TSHZ1: variants seen among roughly 807,000 people sequenced by gnomAD.
TSHZ1 encodes the protein teashirt zinc finger homeobox 1, also known as teashirt homolog 1.
TSHZ1 carries 12 observed loss-of-function variants against 67.1 expected under a neutral mutation model. The observed-to-expected ratio is 0.18, with a 90% CI of 0.11 to 0.29. The LOEUF is 0.29. Ranked by LOEUF, TSHZ1 falls within the 10% of genes least tolerant of loss-of-function variation. The pLI is 1.00. For missense variants in TSHZ1, 1,305 were observed against 1,413.9 expected, an observed-to-expected ratio of 0.92 and a Z score of 1.23; for synonymous variants, 632 against 622.4, an observed-to-expected ratio of 1.02 and a Z score of -0.23.
chr18:75,246,865 C>T (rs1217472530), intron 1 of TSHZ1, among the ~76,000 whole-genome samples: 4 of 152,220 alleles, frequency 2.6e-5, no homozygotes, highest in African/African-American at 9.6e-5. Flanking sequence ...TAGACAGAGA[C>T]AATAACTGTC....
At chr18:75,243,748 A>C (rs988050801) in intron 1 of TSHZ1, among the ~76,000 whole-genome samples, 2 of 152,230 alleles carry the variant, frequency 1.3e-5, no homozygotes, top group Non-Finnish European at 2.9e-5. Flanking sequence ...TTGACTTAGC[A>C]ACCCTAAATT....
intron 1 of TSHZ1, among the ~76,000 whole-genome samples, chr18:75,278,216 G>A (rs2023638502): frequency 6.7e-6 from 1 of 150,280 alleles, no homozygotes; most frequent in African/African-American, 2.5e-5. Flanking sequence ...CATCCAGGGT[G>A]GATTAGTGGA....
At chr18:75,222,953 A>G (rs2022867997) in intron 1 of TSHZ1, among the ~76,000 whole-genome samples, 1 of 152,218 alleles carries the variant, frequency 6.6e-6, no homozygotes, top group Non-Finnish European at 1.5e-5. Context: ...TTGTTTATAG[A>G]CATATTTGGA....
chr18:75,251,641 A>T (rs542949396), intron 1 of TSHZ1, among the ~76,000 whole-genome samples: 127 of 152,258 alleles, frequency 8.3e-4, no homozygotes, highest in African/African-American at 2.9e-3. Context: ...TTTTAATTTG[A>T]CAATCTTTGC....
chr18:75,263,873 C>T (rs890570343), intron 1 of TSHZ1, among the ~76,000 whole-genome samples: 4 of 152,218 alleles, frequency 2.6e-5, no homozygotes, highest in Admixed American at 6.5e-5. Context: ...AAAGAAGCAA[C>T]TGTTGATTTA....
chr18:75,251,816 A>T (rs978014980), intron 1 of TSHZ1, among the ~76,000 whole-genome samples: 1 of 152,106 alleles, frequency 6.6e-6, no homozygotes, highest in African/African-American at 2.4e-5. Context: ...TTGTTCCATC[A>T]TCTTACTCAT....
intron 1 of TSHZ1, among the ~76,000 whole-genome samples, chr18:75,232,299 C>A (rs775375332): frequency 6.6e-6 from 1 of 152,188 alleles, no homozygotes; most frequent in Admixed American, 6.5e-5. Context: ...AGTTTTAATG[C>A]GTCTACACAG....
rs1219879489 is a variant in TSHZ1 at position 75,211,247 on chromosome 18, T to C, written c.-630T>C. ...CTGACATCTCCCCCCGGCGCATGTA[T>C]GTACGGGGGCTTCACTCCTCTGTCT... is the stretch of plus-strand genomic sequence containing the variant. On this transcript the variant is annotated 5_prime_UTR_variant, in exon 1 of 2. The change abolishes an upstream ATG in the 5' untranslated region. Coordinates refer to ENST00000580243, the MANE Select transcript of TSHZ1 (RefSeq NM_001308210.2). The C allele has an allele frequency of 6.6e-6, 1 of 151,926 alleles. No individual in the cohort carries two copies. Among genetic ancestry groups the C allele is most frequent in the Non-Finnish European group, 1.5e-5 (1 of 68,036 alleles). The allele number at this position is 151,926 out of a possible 1,614,324, so 9.4% of individuals were successfully genotyped here. A position where few individuals can be genotyped will look rare whatever the true frequency, so the allele number is the denominator to read the frequency against.
chr18:75,275,094 C>T (rs1245283613), intron 1 of TSHZ1, among the ~76,000 whole-genome samples: 2 of 152,238 alleles, frequency 1.3e-5, no homozygotes, highest in Admixed American at 6.5e-5. Context: ...GCCTGGTACA[C>T]GTCCTTGCCA....
At chr18:75,230,518 A>G (rs1229151446) in intron 1 of TSHZ1, among the ~76,000 whole-genome samples, 1 of 152,164 alleles carries the variant, frequency 6.6e-6, no homozygotes, top group African/African-American at 2.4e-5. Context: ...ATTGTTTTTT[A>G]ATTTTTTTCT....
At chr18:75,257,421 C>G (rs991269518) in intron 1 of TSHZ1, among the ~76,000 whole-genome samples, 1 of 152,120 alleles carries the variant, frequency 6.6e-6, no homozygotes, top group Non-Finnish European at 1.5e-5. Flanking sequence ...AGAATCTTGG[C>G]TAGGACAAGG....
intron 1 of TSHZ1, among the ~76,000 whole-genome samples, chr18:75,275,634 G>C (rs184435563): frequency 6.6e-6 from 1 of 152,334 alleles, no homozygotes; most frequent in African/African-American, 2.4e-5. Flanking sequence ...ATAGTACCAA[G>C]TTGGAACCTG....
chr18:75,224,090 T>G (rs1439629280), intron 1 of TSHZ1, among the ~76,000 whole-genome samples: 2 of 135,740 alleles, frequency 1.5e-5, no homozygotes, highest in African/African-American at 2.9e-5. Context: ...AGATCCTCAC[T>G]TTTTTTTTTT....
rs913490978 is a variant in TSHZ1 at position 75,244,877 on chromosome 18, C to T, written c.40+32961C>T. On this transcript the variant is annotated intron_variant, in intron 1 of 1. Coordinates refer to ENST00000580243, the MANE Select transcript of TSHZ1 (RefSeq NM_001308210.2). ...TGGCTGAAAAACACGACCGTTTGAC[C>T]GAATTCCTTTCAAAGATTTATAATC... Among the ~76,000 whole-genome samples, 11 of 152,062 alleles carry T rather than the reference C, an allele frequency of 7.2e-5. No homozygotes were observed. The East Asian group carries it at 9.6e-4, about 13-fold the overall frequency.
intron 1 of TSHZ1, among the ~76,000 whole-genome samples, chr18:75,214,731 A>G (rs1379376673): frequency 6.6e-6 from 1 of 152,204 alleles, no homozygotes; most frequent in Non-Finnish European, 1.5e-5. Flanking sequence ...AAATAAAGAA[A>G]TACTGCTCAG....
At chr18:75,285,089 G>A (rs1182347762) in intron 1 of TSHZ1, 1 of 190,184 alleles carries the variant, frequency 5.3e-6, no homozygotes, top group Non-Finnish European at 1.1e-5. Context: ...AAGTCATGAG[G>A]GGACTCCTGG....
At chr18:75,223,376 T>C (rs1256032792) in intron 1 of TSHZ1, among the ~76,000 whole-genome samples, 1 of 152,224 alleles carries the variant, frequency 6.6e-6, no homozygotes, top group East Asian at 1.9e-4. Context: ...CTTTGTATTT[T>C]GATGTCAGGC....
chr18:75,284,453 C>T (rs1309492026), intron 1 of TSHZ1: 1 of 152,266 alleles, frequency 6.6e-6, no homozygotes, highest in Admixed American at 6.5e-5. Flanking sequence ...ATTTTAAGTG[C>T]ACAGTTTCAT....
chr18:75,272,259 C>A (rs963539841), intron 1 of TSHZ1, among the ~76,000 whole-genome samples: 2 of 152,192 alleles, frequency 1.3e-5, no homozygotes, highest in African/African-American at 4.8e-5. Context: ...CAGAACTGCG[C>A]CGGCACGCGA....
Sources: gnomAD v4.1 joint callset for allele counts (sites outside exome capture counted in the v4.1 genomes callset) on GRCh38, gnomAD v4.1.1 for gene constraint, MANE v1.5 for transcripts, NCBI Gene and HGNC (gene_info 2026-07-23, HGNC 2026-07-21) for gene names.